UGT1A3: variants seen among roughly 807,000 people sequenced by gnomAD.
UGT1A3 encodes the protein UDP glucuronosyltransferase family 1 member A3.
In UGT1A3, 31 loss-of-function variants were observed where a neutral mutation model predicts 41.0. That is an observed-to-expected ratio of 0.76 (90% CI 0.57 to 1.02). The LOEUF (loss-of-function observed/expected upper bound fraction) is 1.02, where lower values mean the gene tolerates loss of function less well. Among genes scored for constraint, UGT1A3 ranks in the 50% least tolerant of loss-of-function variants. The pLI is 0.00. For synonymous variants in UGT1A3, 262 were observed against 257.6 expected (o/e 1.02, Z -0.17); for missense variants, 737 against 671.0 (o/e 1.10, Z -1.09).
rs781679584 is a variant in UGT1A3 at position 233,729,361 on chromosome 2, A to T, written c.235A>T (p.Thr79Ser). ...AGAAGAGAACTTTTTCACCCTGACA[A>T]CCTATGCCATTTCGTGGACCCAGGA... ...IKEENFFTLT[T>S]YAISWTQDEF... Residue 79 changes from threonine to serine, a missense_variant, in exon 1 of 5, where the codon ACC (threonine) becomes TCC (serine). Thr to Ser is a moderately conservative substitution (Grantham distance 58). Transcript: ENST00000482026. 4 of 1,613,978 alleles carry T rather than the reference A, an allele frequency of 2.5e-6. No individual in the cohort carries two copies. The Admixed American group carries it at 5.0e-5, about 20-fold the overall frequency.
chr2:233,771,017 G>A (rs964132313), intron 4 of UGT1A3: 3 of 152,186 alleles, frequency 2.0e-5, no homozygotes, highest in African/African-American at 7.2e-5. Flanking sequence ...GCAGGAGCGA[G>A]AGAGAGTTGG....
chr2:233,762,985 T>A (rs544731123), intron 1 of UGT1A3, among the ~76,000 whole-genome samples: 2 of 152,238 alleles, frequency 1.3e-5, no homozygotes, highest in Non-Finnish European at 2.9e-5. Flanking sequence ...GCTATTTTAG[T>A]GGAAATTGAT....
At chr2:233,739,959 T>A (rs1437269496) in intron 1 of UGT1A3, among the ~76,000 whole-genome samples, 1 of 151,940 alleles carries the variant, frequency 6.6e-6, no homozygotes, top group Non-Finnish European at 1.5e-5. Flanking sequence ...GGGAGCTGAT[T>A]GAATCATATC....
Position 233,729,694 on chromosome 2 carries a change from C to A in UGT1A3, c.568C>A (p.Pro190Thr), listed in dbSNP as rs1447462481. 7 of 1,613,908 alleles carry A rather than the reference C, an allele frequency of 4.3e-6. No individual in the cohort carries two copies. The highest frequency in any genetic ancestry group is 5.9e-6 in the Non-Finnish European group (7 of 1,179,850). Reference sequence around the variant, plus strand: ...CTTTAAGGGCACACAGTGTCCAAACCCTTCCTCCTATATTCCTAGATTACT... The same window carrying A: ...CTTTAAGGGCACACAGTGTCCAAACACTTCCTCCTATATTCCTAGATTACT... ...LDFKGTQCPN[P>T]SSYIPRLLTT... Residue 190 changes from proline (P) to threonine (T), a missense_variant, in exon 1 of 5, where the codon CCT becomes ACT. Coordinates refer to ENST00000482026, the MANE Select transcript of UGT1A3 (RefSeq NM_019093.4).
rs200412341 is a variant in UGT1A3 at position 233,760,665 on chromosome 2, C to T, written c.868-6369C>T. The T allele has an allele frequency of 2.6e-5, 42 of 1,614,226 alleles. No individual in the cohort carries two copies. The East Asian group carries it at 8.9e-4, about 34-fold the overall frequency. On this transcript the variant is annotated intron_variant, in intron 1 of 4. Transcript: ENST00000482026. ...AGGACTCTGCTATGCTTTTGTCTGG[C>T]TGTTCCCACTTACTGCACAACAAGG...
At chr2:233,746,305 A>G (rs1693353993) in intron 1 of UGT1A3, among the ~76,000 whole-genome samples, 1 of 151,774 alleles carries the variant, frequency 6.6e-6, no homozygotes, top group Non-Finnish European at 1.5e-5. Context: ...TTTCCCTTGG[A>G]GGGCCCTGTA....
chr2:233,741,276 T>C (rs752081250), intron 1 of UGT1A3, among the ~76,000 whole-genome samples: 1 of 151,850 alleles, frequency 6.6e-6, no homozygotes, highest in Non-Finnish European at 1.5e-5. Flanking sequence ...CACTGAACAA[T>C]GGGATTTATG....
chr2:233,741,619 C>T (rs901623616), intron 1 of UGT1A3: 6 of 151,836 alleles, frequency 4.0e-5, no homozygotes. Flanking sequence ...AGTGTCAGAC[C>T]CCATGAGCCC....
chr2:233,730,912 A>G (rs941087892), intron 1 of UGT1A3, among the ~76,000 whole-genome samples: 20 of 152,310 alleles, frequency 1.3e-4, no homozygotes, highest in African/African-American at 1.9e-4. Context: ...CAAAAATTTC[A>G]GAGGCAGCTT....
At chr2:233,734,703 G>A (rs1251067187) in intron 1 of UGT1A3, among the ~76,000 whole-genome samples, 3 of 151,956 alleles carry the variant, frequency 2.0e-5, no homozygotes, top group Non-Finnish European at 4.4e-5. Flanking sequence ...CAGAGATTCT[G>A]GTATGTTGTG....
intron 1 of UGT1A3, among the ~76,000 whole-genome samples, chr2:233,765,933 G>C (rs1285596589): frequency 2.6e-5 from 4 of 152,108 alleles, no homozygotes; most frequent in African/African-American, 9.7e-5. Flanking sequence ...CGGGCAGGTT[G>C]TGGGGCTCTG....
intron 1 of UGT1A3, among the ~76,000 whole-genome samples, chr2:233,762,846 A>G (rs1269023335): frequency 6.6e-6 from 1 of 152,164 alleles, no homozygotes; most frequent in Non-Finnish European, 1.5e-5. Flanking sequence ...ATAGGCAGTC[A>G]TTTGCTGATA....
At chr2:233,763,986 C>T (rs923828078) in intron 1 of UGT1A3, among the ~76,000 whole-genome samples, 3 of 152,116 alleles carry the variant, frequency 2.0e-5, no homozygotes, top group Non-Finnish European at 4.4e-5. Context: ...ACTGGGAATG[C>T]GTGATGGTGA....
At chr2:233,743,679 C>G (rs773832305) in intron 1 of UGT1A3, 3 of 1,367,098 alleles carry the variant, frequency 2.2e-6, no homozygotes, top group African/African-American at 3.0e-5. Context: ...AAGGGCCTGC[C>G]GCCTGTGCAG....
At chr2:233,764,520 A>G (rs935086504) in intron 1 of UGT1A3, among the ~76,000 whole-genome samples, 4 of 152,220 alleles carry the variant, frequency 2.6e-5, no homozygotes, top group African/African-American at 4.8e-5. Context: ...TGTGAATCAC[A>G]TCCTGCTGAT....
In UGT1A3 at chr2:233,733,915, C is replaced by T. The variant is rs114264669; in HGVS notation, c.867+3922C>T. On this transcript the variant is annotated intron_variant, in intron 1 of 4. Coordinates refer to ENST00000482026, the MANE Select transcript of UGT1A3 (RefSeq NM_019093.4). ...CTGTTTGTACCTCTCTGGTAGAATT[C>T]GGCTGTGAGGAAGGGGAACATCACA... is the stretch of plus-strand genomic sequence containing the variant. Among the ~76,000 whole-genome samples, 1,498 of 151,134 alleles carry T rather than the reference C, an allele frequency of 9.9e-3. 23 individuals are homozygous for T. The highest frequency in any genetic ancestry group is 0.035 in the African/African-American group (1,427 of 41,026).
chr2:233,772,910 T>G lies in UGT1A3; in HGVS notation c.*351T>G, dbSNP rs1169260027. 5.1e-6 allele frequency: 2 copies of G among 393,790 alleles called. No individual in the cohort carries two copies. Among genetic ancestry groups the G allele is most frequent in the Non-Finnish European group, 8.9e-6 (2 of 225,424 alleles). The allele number at this position is 393,790 out of a possible 1,614,324, so 24.4% of individuals were successfully genotyped here. A position where few individuals can be genotyped will look rare whatever the true frequency, so the allele number is the denominator to read the frequency against. On this transcript the variant is annotated 3_prime_UTR_variant, in exon 5 of 5. Transcript: ENST00000482026. ...AAGGTGGTCCCACGGCTGCCCCTAC[T>G]GCAAATGGCAGTTTTAATCTTATCT...
rs537677937 is a variant in UGT1A3, at chr2:233,740,168, A to T, written c.867+10175A>T. On this transcript the variant is annotated intron_variant, in intron 1 of 4. Transcript: ENST00000482026. ...CCTGAGGCCTCCCCAGTCATGTGGA[A>T]CTGTGAGTCAATTAAACCTCTTTCT... Among the ~76,000 whole-genome samples the T allele has an allele frequency of 6.6e-5, 10 of 151,934 alleles. No homozygotes were observed. In the East Asian group the frequency reaches 9.6e-4, roughly 15 times the overall value.
intron 1 of UGT1A3, chr2:233,761,233 T>C: frequency 6.2e-7 from 1 of 1,613,114 alleles, no homozygotes; most frequent in Non-Finnish European, 8.5e-7. Context: ...CCCAGATATA[T>C]GCTGAGCAAG....
Sources: allele counts gnomAD v4.1 joint callset (sites outside exome capture counted in the v4.1 genomes callset), GRCh38; gene constraint gnomAD v4.1.1; transcripts MANE v1.5; gene names NCBI Gene and HGNC (gene_info 2026-07-23, HGNC 2026-07-21).